Variants in PRKCB observed in about 807,000 individuals in gnomAD.
PRKCB encodes the protein protein kinase C beta type.
A neutral mutation model predicts 81.5 loss-of-function variants in PRKCB; 13 were observed. That is an observed-to-expected ratio of 0.16 (90% confidence interval 0.10 to 0.25). The LOEUF (loss-of-function observed/expected upper bound fraction) is 0.25, where lower values mean the gene tolerates loss of function less well. Among genes scored for constraint, PRKCB ranks in the 10% least tolerant of loss-of-function variants. The pLI is 1.00. For synonymous variants in PRKCB, 335 were observed against 321.4 expected (o/e 1.04, Z -0.45); for missense variants, 509 against 875.7 (o/e 0.58, Z 5.29).
At chr16:23,999,313 G>A (rs1479835870) in intron 3 of PRKCB, among the ~76,000 whole-genome samples, 4 of 152,224 alleles carry the variant, frequency 2.6e-5, no homozygotes, top group Admixed American at 2.6e-4. Context: ...GGATGTGCTT[G>A]GTTGCATCCT....
intron 2 of PRKCB, among the ~76,000 whole-genome samples, chr16:23,921,666 C>T (rs916413162): frequency 1.3e-5 from 2 of 151,886 alleles, no homozygotes; most frequent in Admixed American, 1.3e-4. Context: ...CTGGGTGTGG[C>T]GGCACCCATC....
chr16:23,980,275 G>T (rs889634907), intron 2 of PRKCB, among the ~76,000 whole-genome samples: 5 of 152,252 alleles, frequency 3.3e-5, no homozygotes, highest in African/African-American at 1.2e-4. Flanking sequence ...CATGGAAACA[G>T]TTCGGGAAAT....
At chr16:24,145,332 C>T (rs1275513610) in intron 9 of PRKCB, among the ~76,000 whole-genome samples, 1 of 152,178 alleles carries the variant, frequency 6.6e-6, no homozygotes, top group Non-Finnish European at 1.5e-5. Context: ...TAATCCAGCA[C>T]TTTGGGAGGC....
chr16:24,182,467 G>A (rs550275582), intron 13 of PRKCB, among the ~76,000 whole-genome samples: 123 of 152,272 alleles, frequency 8.1e-4, no homozygotes, highest in African/African-American at 2.9e-3. Flanking sequence ...GCTGCAGTAA[G>A]CAGTGATCAT....
At chr16:23,917,427 G>A (rs1259276372) in intron 2 of PRKCB, among the ~76,000 whole-genome samples, 1 of 152,190 alleles carries the variant, frequency 6.6e-6, no homozygotes, top group Non-Finnish European at 1.5e-5. Flanking sequence ...GGGCATCCCT[G>A]GGGTGTTTCC....
chr16:24,185,426 G>T (rs1353904310), intron 14 of PRKCB, 34 bp from the exon 15 acceptor site: 1 of 1,583,172 alleles, frequency 6.3e-7, no homozygotes, highest in Non-Finnish European at 8.7e-7. Context: ...TTCAAGCAGG[G>T]ATTCTTCTCC....
rs1363410525 is a variant in PRKCB at position 23,899,587 on chromosome 16, T to C, written c.205+62181T>C. Among the ~76,000 whole-genome samples the C allele has an allele frequency of 2.3e-4, 5 of 21,764 alleles. 2 individuals carry two copies. Among genetic ancestry groups the C allele is most frequent in the African/African-American group, 4.7e-4 (5 of 10,534 alleles). 14.3% of individuals were successfully genotyped at this position (21,764 alleles called of 152,430 possible). ...GTAAATTACTTTTGTTCATTTGTAATTACTTATCCATAAGAACTCTCTCTC... is the reference window on the plus strand; with the variant it reads ...GTAAATTACTTTTGTTCATTTGTAACTACTTATCCATAAGAACTCTCTCTC... On this transcript the variant is annotated intron_variant, in intron 2 of 16. Coordinates refer to ENST00000643927, the MANE Select transcript of PRKCB (RefSeq NM_002738.7).
At chr16:24,127,165 C>T (rs943164200) in intron 9 of PRKCB, among the ~76,000 whole-genome samples, 5 of 151,932 alleles carry the variant, frequency 3.3e-5, no homozygotes, top group Middle Eastern at 3.2e-3. Context: ...CGCCACCACG[C>T]CCAGCTAATT....
intron 5 of PRKCB, among the ~76,000 whole-genome samples, chr16:24,053,270 C>T (rs1034500959): frequency 6.6e-6 from 1 of 152,212 alleles, no homozygotes; most frequent in Non-Finnish European, 1.5e-5. Context: ...AAGTCCTGCC[C>T]TCATGGAGCT....
intron 9 of PRKCB, among the ~76,000 whole-genome samples, chr16:24,140,135 T>G (rs187082355): frequency 6.6e-6 from 1 of 152,342 alleles, no homozygotes; most frequent in African/African-American, 2.4e-5. Flanking sequence ...GTGGCCACTG[T>G]CAAATGTAAC....
intron 7 of PRKCB, among the ~76,000 whole-genome samples, chr16:24,108,976 G>T (rs764974116): frequency 4.6e-5 from 5 of 107,590 alleles, no homozygotes; most frequent in Non-Finnish European, 9.9e-5. Context: ...CTGGCCGGGC[G>T]GGGGACTGAC....
intron 3 of PRKCB, among the ~76,000 whole-genome samples, chr16:24,021,028 CTTTCTTTCTTTCTCTTTCTTTCT>C (rs1965364367): frequency 7.1e-6 from 1 of 140,328 alleles, no homozygotes; most frequent in African/African-American, 2.8e-5. Flanking sequence ...TTCTTTCTTT[CTTTCTTTCTTTCTCTTTCTTTCT>C]TTCTTTCCCT....
At chr16:23,917,055 A>G (rs1390244950) in intron 2 of PRKCB, among the ~76,000 whole-genome samples, 1 of 151,680 alleles carries the variant, frequency 6.6e-6, no homozygotes, top group Non-Finnish European at 1.5e-5. Context: ...GGGTTACAAG[A>G]GTGAGCCACT....
At chr16:23,883,532 AAC>A (rs1455392368) in intron 2 of PRKCB, among the ~76,000 whole-genome samples, 1 of 152,168 alleles carries the variant, frequency 6.6e-6, no homozygotes, top group Admixed American at 6.5e-5. Context: ...ATTTGTATTT[AAC>A]ACACCTTCCA....
intron 3 of PRKCB, among the ~76,000 whole-genome samples, chr16:24,004,478 C>CAAAAAAAAAA (rs71154264): frequency 6.3e-5 from 3 of 47,404 alleles, no homozygotes; most frequent in South Asian, 6.8e-4. Context: ...CAAGTCTCTA[C>CAAAAAAAAAA]AAAAAAAAAA....
chr16:24,072,842 A>G (rs1480275421), intron 5 of PRKCB, among the ~76,000 whole-genome samples: 2 of 151,948 alleles, frequency 1.3e-5, no homozygotes, highest in African/African-American at 4.8e-5. Context: ...TCAGCCTCCC[A>G]AAGCACTGGG....
intron 2 of PRKCB, among the ~76,000 whole-genome samples, chr16:23,925,661 C>T (rs1219324139): frequency 6.6e-6 from 1 of 152,010 alleles, no homozygotes; most frequent in African/African-American, 2.4e-5. Context: ...TGAGAAGGCA[C>T]AAGTGCAATT....
chr16:24,192,885 GT>G (rs1175684239), intron 16 of PRKCB, among the ~76,000 whole-genome samples: 1 of 152,162 alleles, frequency 6.6e-6, no homozygotes, highest in African/African-American at 2.4e-5. Flanking sequence ...AATCACTGCT[GT>G]GGAGTTTGGC....
chr16:23,952,864 C>T (rs1405001597), intron 2 of PRKCB, among the ~76,000 whole-genome samples: 3 of 152,162 alleles, frequency 2.0e-5, no homozygotes, highest in South Asian at 2.1e-4. Context: ...GAAGCTGGCT[C>T]AGGAGCTATG....
Sources: allele counts gnomAD v4.1 joint callset (sites outside exome capture counted in the v4.1 genomes callset), GRCh38; gene constraint gnomAD v4.1.1; transcripts MANE v1.5; gene names NCBI Gene and HGNC (gene_info 2026-07-23, HGNC 2026-07-21).